The following AIFM3 variants were observed in gnomAD, a reference collection of about 807,000 sequenced individuals.
The protein encoded by AIFM3 is apoptosis-inducing factor 3.
In AIFM3, 71 loss-of-function variants were observed where a neutral mutation model predicts 82.7. The ratio of observed to expected loss-of-function variants is 0.86; its 90% CI spans 0.71 to 1.05. The LOEUF (loss-of-function observed/expected upper bound fraction) is 1.05, where lower values mean the gene tolerates loss of function less well. Among genes scored for constraint, AIFM3 ranks in the 50% least tolerant of loss-of-function variants. The probability of loss-of-function intolerance (pLI) is 0.00; values close to 1 mark genes in which losing one functional copy is unlikely to be tolerated. For synonymous variants in AIFM3, 337 were observed against 329.1 expected, an observed-to-expected ratio of 1.02 and a Z score of -0.26; for missense variants, 748 against 816.7, an observed-to-expected ratio of 0.92 and a Z score of 1.03.
At chr22:20,967,720 C>G (rs1259730747) in intron 1 of AIFM3, 85 bp from the exon 2 acceptor site, 1 of 591,362 alleles carries the variant, frequency 1.7e-6, no homozygotes. Context: ...AGACTCTTTC[C>G]GAAGCTCCCA....
chr22:20,979,521 A>T, intron 17 of AIFM3, 106 bp from the exon 18 acceptor site: 1 of 1,489,970 alleles, frequency 6.7e-7, no homozygotes, highest in East Asian at 2.3e-5. Flanking sequence ...CGAACTACCT[A>T]AAAGGACGTA....
chr22:20,973,476 C>T lies in AIFM3; in HGVS notation c.201C>T (p.Cys67=), dbSNP rs1258637642. 3 of 1,612,792 alleles carry T rather than the reference C, an allele frequency of 1.9e-6. No homozygotes were observed. The highest frequency in any genetic ancestry group is 1.7e-5 in the Admixed American group (1 of 59,998). ...ACCCCTACCCCAGCCCTCAGGATTG[C>T]GTGGAGGCTGCTGTCTGCCACGTCA... The part of the protein sequence containing the change: ...TPHPYPSPQD[C]VEAAVCHVKD... Residue 67 remains cysteine (C), a synonymous_variant, in exon 3 of 21, where the codon TGC becomes TGT. Coordinates refer to ENST00000440238, the MANE Select transcript of AIFM3 (RefSeq NM_001386814.1).
chr22:20,966,146 C>G (rs1346405809), upstream of AIFM3, among the ~76,000 whole-genome samples: 3 of 152,216 alleles, frequency 2.0e-5, no homozygotes, highest in Non-Finnish European at 4.4e-5. Context: ...AGGGACAGCA[C>G]AGCCTGGGCA....
At chr22:20,966,270 G>GA (rs1922889948), upstream of AIFM3, among the ~76,000 whole-genome samples, 1 of 152,004 alleles carries the variant, frequency 6.6e-6, no homozygotes, top group African/African-American at 2.4e-5. Context: ...CTGAAACCAG[G>GA]ACCCAGGAAG....
rs1458496333 is a variant in AIFM3, at chr22:20,975,593, T to C, written c.721-99T>C. The C allele has an allele frequency of 8.5e-6, 10 of 1,182,540 alleles. 1 individual carries two copies. In the South Asian group the frequency reaches 1.2e-4, roughly 15 times the overall value. The allele number at this position is 1,182,540 out of a possible 1,614,324, so 73.3% of individuals were successfully genotyped here. A position where few individuals can be genotyped will look rare whatever the true frequency, so the allele number is the denominator to read the frequency against. ...CCAGATCTGGGTTTGCTGAGTTCTGTCCTGCAGCCCCTATGTGACTGGGGC... is the reference window on the plus strand; with the variant it reads ...CCAGATCTGGGTTTGCTGAGTTCTGCCCTGCAGCCCCTATGTGACTGGGGC... On this transcript the variant is annotated intron_variant, in intron 8 of 20. Transcript: ENST00000440238.
chr22:20,974,301 G>C lies in AIFM3; in HGVS notation c.510+5G>C, dbSNP rs562696343. 2.5e-6 allele frequency: 4 copies of C among 1,613,258 alleles called. No individual in the cohort carries two copies. The highest frequency in any genetic ancestry group is 3.4e-6 in the Non-Finnish European group (4 of 1,179,900). On this transcript the variant is annotated splice_donor_5th_base_variant and intron_variant, in intron 6 of 20. Coordinates refer to ENST00000440238, the MANE Select transcript of AIFM3 (RefSeq NM_001386814.1). The stretch of plus-strand genomic sequence containing the variant: ...TACGTCCGGGCCAGCAAGCAGGTGA[G>C]GGGATAGCTCGGGGCTCAGGCAGAA...
In AIFM3 at chr22:20,967,869, C is replaced by T. The variant is rs933756158; in HGVS notation, c.-76C>T. 5 of 1,561,356 alleles carry T rather than the reference C, an allele frequency of 3.2e-6. No individual in the cohort carries two copies. The highest frequency in any genetic ancestry group is 4.4e-6 in the Non-Finnish European group (5 of 1,133,150). ...TCTAAGGCCTGCAGGGGGTCCAGCC[C>T]CATGGGGGGCGCCCTAGGCCTCCGA... On this transcript the variant is annotated 5_prime_UTR_variant, in exon 2 of 21. Transcript: ENST00000440238.
At chr22:20,978,069 G>A (rs1239559587) in intron 16 of AIFM3, 64 bp downstream of exon 16, 4 of 1,499,814 alleles carry the variant, frequency 2.7e-6, no homozygotes, top group Non-Finnish European at 3.7e-6. Context: ...GTGTCCCCAT[G>A]CCCATGCCTC....
At chr22:20,979,448 C>T in intron 17 of AIFM3, 79 bp downstream of exon 17, 2 of 1,481,366 alleles carry the variant, frequency 1.4e-6, no homozygotes, top group Non-Finnish European at 1.8e-6. Context: ...GGCTGGGAGC[C>T]TAGGGGCAGG....
intron 2 of AIFM3, among the ~76,000 whole-genome samples, chr22:20,970,687 C>T (rs1923213036): frequency 1.3e-5 from 2 of 152,224 alleles, no homozygotes. Flanking sequence ...TCTCGAACTC[C>T]TGACCTCAAG....
At chr22:20,971,414 G>A (rs1444332822) in intron 2 of AIFM3, among the ~76,000 whole-genome samples, 1 of 152,162 alleles carries the variant, frequency 6.6e-6, no homozygotes, top group Non-Finnish European at 1.5e-5. Flanking sequence ...CCTGAGCTGA[G>A]GGCTGGGACT....
In AIFM3 at chr22:20,976,312, A is replaced by T. The variant is rs774658687; in HGVS notation, c.899+6A>T. The T allele has an allele frequency of 6.2e-7, 1 of 1,613,790 alleles. No homozygotes were observed. The highest frequency in any genetic ancestry group is 1.3e-5 in the African/African-American group (1 of 74,916). ...CTGCTGGCACCAGGGAGCAGGTGGG[A>T]GGGTCTCCTTTTTACCCATCGGACA... On this transcript the variant is annotated splice_donor_region_variant and intron_variant, in intron 10 of 20. Transcript: ENST00000440238.
At chr22:20,978,456 C>T (rs1029853706) in intron 16 of AIFM3, among the ~76,000 whole-genome samples, 10 of 152,224 alleles carry the variant, frequency 6.6e-5, no homozygotes, top group Middle Eastern at 3.4e-3. Context: ...ACTGTGCTTT[C>T]TGAGGAATAG....
chr22:20,975,882 C>T (rs577498302), intron 9 of AIFM3, 104 bp downstream of exon 9: 5 of 1,324,848 alleles, frequency 3.8e-6, no homozygotes, highest in Non-Finnish European at 5.3e-6. Context: ...TTCCTGGCCC[C>T]ACAGCCCAGG....
At chr22:20,978,430 T>C (rs932381369) in intron 16 of AIFM3, among the ~76,000 whole-genome samples, 5 of 152,088 alleles carry the variant, frequency 3.3e-5, no homozygotes, top group Non-Finnish European at 7.4e-5. Flanking sequence ...CCCAGAGACG[T>C]GGGCTCAGTG....
chr22:20,976,110 T>A, intron 9 of AIFM3, 105 bp from the exon 10 acceptor site: 1 of 1,275,530 alleles, frequency 7.8e-7, no homozygotes, highest in Non-Finnish European at 1.1e-6. Context: ...AATGGGAGCT[T>A]CTCAGAGGCT....
rs1193414640 is a variant in AIFM3 at position 20,974,545 on chromosome 22, G to A, written c.531G>A (p.Arg177=). The change falls in exon 7 of 21, where the codon AGG becomes AGA. Residue 177 remains arginine (R), a synonymous_variant. Coordinates refer to ENST00000440238, the MANE Select transcript of AIFM3 (RefSeq NM_001386814.1). ...CACAGGCCCTACAGCTGCAGCGAAG[G>A]ACCAAGGTGATGGCCAAGTGTATCT... ...ASKQALQLQR[R]TKVMAKCISP... 2 of 1,613,310 alleles carry A rather than the reference G, an allele frequency of 1.2e-6. No individual in the cohort carries two copies. The highest frequency in any genetic ancestry group is 1.7e-6 in the Non-Finnish European group (2 of 1,179,754).
intron 17 of AIFM3, 43 bp downstream of exon 17, chr22:20,979,412 A>G (rs1366316851): frequency 1.3e-5 from 5 of 393,524 alleles, no homozygotes; most frequent in African/African-American, 4.3e-5. Flanking sequence ...GAGGGCGTTT[A>G]GGGGCGGGGC....
At chr22:20,973,582 C>T in intron 3 of AIFM3, 62 bp downstream of exon 3, 2 of 1,526,000 alleles carry the variant, frequency 1.3e-6, no homozygotes, top group South Asian at 2.4e-5. Context: ...GGTGAGGGGG[C>T]CATAGCCGGG....
Sources: gnomAD v4.1 joint callset for allele counts (sites outside exome capture counted in the v4.1 genomes callset) on GRCh38, gnomAD v4.1.1 for gene constraint, MANE v1.5 for transcripts, NCBI Gene and HGNC (gene_info 2026-07-23, HGNC 2026-07-21) for gene names.